Variants in GRM7 observed in about 807,000 individuals in gnomAD.
GRM7 encodes the protein metabotropic glutamate receptor 7.
A neutral mutation model predicts 84.5 loss-of-function variants in GRM7; 35 were observed. The ratio of observed to expected loss-of-function variants is 0.41; its 90% confidence interval spans 0.32 to 0.55. The LOEUF is 0.55. Among genes scored for constraint, GRM7 ranks in the 20% least tolerant of loss-of-function variants. The pLI is 0.19. For missense variants in GRM7, 1,003 were observed against 1,194.6 expected, an observed-to-expected ratio of 0.84 and a Z score of 2.36; for synonymous variants, 487 against 455.1, an observed-to-expected ratio of 1.07 and a Z score of -0.89.
intron 7 of GRM7, among the ~76,000 whole-genome samples, chr3:7,558,750 A>C (rs2125033664): frequency 6.6e-6 from 1 of 152,268 alleles, no homozygotes. Flanking sequence ...CTTAATAGTT[A>C]AATCCTAGCT....
At chr3:7,460,809 C>T (rs1698215649) in intron 6 of GRM7, among the ~76,000 whole-genome samples, 1 of 152,150 alleles carries the variant, frequency 6.6e-6, no homozygotes, top group Non-Finnish European at 1.5e-5. Flanking sequence ...CTCATCCAAC[C>T]ATACACAGTT....
At chr3:7,430,598 C>G (rs971675650) in intron 5 of GRM7, among the ~76,000 whole-genome samples, 1 of 152,186 alleles carries the variant, frequency 6.6e-6, no homozygotes, top group South Asian at 2.1e-4. Flanking sequence ...CAGCTCTACT[C>G]CTAAGCATTT....
At chr3:7,548,347 G>A (rs1276394460) in intron 7 of GRM7, among the ~76,000 whole-genome samples, 4 of 152,122 alleles carry the variant, frequency 2.6e-5, no homozygotes, top group Non-Finnish European at 2.9e-5. Flanking sequence ...TTTGCCTTCT[G>A]CCCTGAGTGG....
intron 2 of GRM7, among the ~76,000 whole-genome samples, chr3:7,222,023 G>A (rs1280740861): frequency 6.6e-6 from 1 of 151,720 alleles, no homozygotes; most frequent in African/African-American, 2.4e-5. Flanking sequence ...TGACCGGGCT[G>A]GTTTCGAACT....
intron 1 of GRM7, among the ~76,000 whole-genome samples, chr3:7,012,863 C>T (rs1416529817): frequency 6.6e-6 from 1 of 152,150 alleles, no homozygotes; most frequent in Non-Finnish European, 1.5e-5. Flanking sequence ...ACCTCAGCCC[C>T]TTGAGTAACT....
rs964689494 is a variant in GRM7, at chr3:7,101,482, G to A, written c.520-44970G>A. ...TTTACTGTGTTTTTATATTTAAAGT[G>A]CATATCCTGTAAACAGGATATAATT... On this transcript the variant is annotated intron_variant, in intron 1 of 9. Coordinates refer to ENST00000357716, the MANE Select transcript of GRM7 (RefSeq NM_000844.4). Among the ~76,000 whole-genome samples, 4 of 151,274 alleles carry A rather than the reference G, an allele frequency of 2.6e-5. No homozygotes were observed. The East Asian group carries it at 7.7e-4, about 29-fold the overall frequency.
chr3:7,707,132 T>G (rs1186389027), intron 9 of GRM7, among the ~76,000 whole-genome samples: 1 of 152,192 alleles, frequency 6.6e-6, no homozygotes, highest in East Asian at 1.9e-4. Flanking sequence ...ACATTCTACC[T>G]TGCGCAGAAG....
chr3:7,707,603 T>A (rs1701430513), intron 9 of GRM7, among the ~76,000 whole-genome samples: 1 of 152,184 alleles, frequency 6.6e-6, no homozygotes, highest in Non-Finnish European at 1.5e-5. Context: ...AAACCATTTA[T>A]TTTAAAGGAA....
intron 1 of GRM7, among the ~76,000 whole-genome samples, chr3:7,136,609 C>T (rs988105080): frequency 1.3e-5 from 2 of 152,038 alleles, no homozygotes; most frequent in Admixed American, 1.3e-4. Flanking sequence ...CATCAGAGAC[C>T]TACCCAGGAC....
intron 2 of GRM7, among the ~76,000 whole-genome samples, chr3:7,148,001 G>A (rs978954486): frequency 1.3e-5 from 2 of 152,038 alleles, no homozygotes; most frequent in African/African-American, 4.8e-5. Flanking sequence ...GACTATAGGA[G>A]ACCATGTCTG....
intron 8 of GRM7, among the ~76,000 whole-genome samples, chr3:7,653,864 A>T (rs1441836920): frequency 6.6e-6 from 1 of 152,158 alleles, no homozygotes; most frequent in Admixed American, 6.5e-5. Flanking sequence ...CATTTTACAG[A>T]TGTAGAAAGA....
intron 2 of GRM7, among the ~76,000 whole-genome samples, chr3:7,201,295 T>C (rs1696062256): frequency 6.6e-6 from 1 of 152,190 alleles, no homozygotes; most frequent in Non-Finnish European, 1.5e-5. Flanking sequence ...ATTTAATTTT[T>C]TCATGAGTTT....
chr3:7,169,944 C>T (rs1305226811), intron 2 of GRM7, among the ~76,000 whole-genome samples: 1 of 152,142 alleles, frequency 6.6e-6, no homozygotes, highest in Middle Eastern at 3.2e-3. Flanking sequence ...GGTTCTGAAA[C>T]TTTAATCTGC....
chr3:6,994,112 T>C (rs1379196066), intron 1 of GRM7, among the ~76,000 whole-genome samples: 1 of 152,078 alleles, frequency 6.6e-6, no homozygotes, highest in Non-Finnish European at 1.5e-5. Flanking sequence ...AAGAGGGATA[T>C]TGAAGTAGGA....
chr3:7,631,124 A>G (rs1466195768), intron 8 of GRM7, among the ~76,000 whole-genome samples: 1 of 152,208 alleles, frequency 6.6e-6, no homozygotes, highest in Admixed American at 6.5e-5. Context: ...TGTGGGGACC[A>G]GACAGCAGGA....
At chr3:7,476,419 C>T (rs1018224515) in intron 7 of GRM7, among the ~76,000 whole-genome samples, 1 of 151,994 alleles carries the variant, frequency 6.6e-6, no homozygotes, top group African/African-American at 2.4e-5. Context: ...TGGTGGCAAG[C>T]GCCTGTAGTC....
At position 7,449,628 on chromosome 3, in the gene GRM7, T is replaced by A. The variant is rs1277732144; in HGVS notation, c.1175-2979T>A. Among the ~76,000 whole-genome samples, 4 of 38,122 alleles carry A rather than the reference T, an allele frequency of 1.0e-4. No individual in the cohort carries two copies. The Admixed American group carries it at 1.5e-3, about 14-fold the overall frequency. 25.0% of individuals were successfully genotyped at this position (38,122 alleles called of 152,430 possible). A position where few individuals can be genotyped will look rare whatever the true frequency, so the allele number is the denominator to read the frequency against. The stretch of plus-strand genomic sequence containing the variant: ...GTGCATGGATAGAGAAAGTAAACCA[T>A]GAAACAGATTTTAAAATATCCAGAA... On this transcript the variant is annotated intron_variant, in intron 5 of 9. Coordinates refer to ENST00000357716, the MANE Select transcript of GRM7 (RefSeq NM_000844.4).
At chr3:7,006,400 G>A (rs1559379837) in intron 1 of GRM7, among the ~76,000 whole-genome samples, 1 of 152,132 alleles carries the variant, frequency 6.6e-6, no homozygotes. Context: ...CACTCAATGG[G>A]AACGCCCACA....
intron 2 of GRM7, among the ~76,000 whole-genome samples, chr3:7,210,802 T>G (rs1433622557): frequency 2.0e-4 from 1 of 5,016 alleles, no homozygotes; most frequent in East Asian, 1.7e-3. Context: ...CTGTGTATTG[T>G]TTTTTTTTTT....
Sources: allele counts gnomAD v4.1 joint callset (sites outside exome capture counted in the v4.1 genomes callset), GRCh38; gene constraint gnomAD v4.1.1; transcripts MANE v1.5; gene names NCBI Gene and HGNC (gene_info 2026-07-23, HGNC 2026-07-21).